The following D2HGDH variants were observed in gnomAD, a reference collection of about 807,000 sequenced individuals.
The protein encoded by D2HGDH is D-2-hydroxyglutarate dehydrogenase, mitochondrial.
In D2HGDH, 31 loss-of-function variants were observed where a neutral mutation model predicts 46.9. That is an observed-to-expected ratio of 0.66 (90% CI 0.50 to 0.89). D2HGDH has a LOEUF of 0.89. Ranked by LOEUF, D2HGDH falls within the 40% of genes least tolerant of loss-of-function variation. D2HGDH has a pLI of 0.00. For synonymous variants in D2HGDH, 364 were observed against 332.6 expected (o/e 1.09, Z -1.03); for missense variants, 698 against 720.8 (o/e 0.97, Z 0.36).
At chr2:241,753,739 G>A (rs1378346805) in intron 8 of D2HGDH, among the ~76,000 whole-genome samples, 2 of 152,260 alleles carry the variant, frequency 1.3e-5, no homozygotes, top group Non-Finnish European at 2.9e-5. Context: ...CATTGGCACT[G>A]CCTATCCACC....
chr2:241,756,666 C>T (rs1034166268), intron 9 of D2HGDH, among the ~76,000 whole-genome samples: 13 of 152,176 alleles, frequency 8.5e-5, no homozygotes, highest in African/African-American at 3.1e-4. Flanking sequence ...GGATTACAGG[C>T]GTCCACCACC....
Position 241,742,027 on chromosome 2 carries a change from C to T in D2HGDH, c.351-408C>T, listed in dbSNP as rs1694599216. The stretch of plus-strand genomic sequence containing the variant: ...TGGTTGGGAGGGAGGTATCCTTGGG[C>T]ACACGTCTGGGGGATAATGGGCCGA... On this transcript the variant is annotated intron_variant, in intron 3 of 9. Coordinates refer to ENST00000321264, the MANE Select transcript of D2HGDH (RefSeq NM_152783.5). The surrounding 1 kb of genome is among the most constrained non-coding windows in gnomAD (Gnocchi z 4.8). Among the ~76,000 whole-genome samples the T allele has an allele frequency of 6.6e-6, 1 of 152,126 alleles. No individual in the cohort carries two copies. Among genetic ancestry groups the T allele is most frequent in the African/African-American group, 2.4e-5 (1 of 41,402 alleles).
chr2:241,750,301 A>T lies in D2HGDH; in HGVS notation c.997+7A>T. On this transcript the variant is annotated splice_region_variant and intron_variant, in intron 7 of 9. Coordinates refer to ENST00000321264, the MANE Select transcript of D2HGDH (RefSeq NM_152783.5). ...CTGGCCAGCCCGGTGCAAGGTACTG[A>T]CCCCCCACACAGGGGGCAGCTGGTC... The T allele has an allele frequency of 7.0e-7, 1 of 1,424,350 alleles. No individual in the cohort carries two copies. 88.2% of individuals were successfully genotyped at this position (1,424,350 alleles called of 1,614,324 possible).
rs145456019 is a variant in D2HGDH, at chr2:241,751,961, C to T, written c.1140+573C>T. Among the ~76,000 whole-genome samples, 402 of 77,440 alleles carry T rather than the reference C, an allele frequency of 5.2e-3. 15 individuals carry two copies. The highest frequency in any genetic ancestry group is 0.017 in the African/African-American group (320 of 18,416). 50.8% of individuals were successfully genotyped at this position (77,440 alleles called of 152,430 possible). On this transcript the variant is annotated intron_variant, in intron 8 of 9. Transcript: ENST00000321264. ...TCGGTCACCGTCACCGGGGCCTGGG[C>T]AGGGGGAGCCCTCGGTCACCGTCAC... is the stretch of plus-strand genomic sequence containing the variant.
Position 241,750,386 on chromosome 2 carries a change from G to A in D2HGDH, c.997+92G>A. On this transcript the variant is annotated intron_variant, in intron 7 of 9. Transcript: ENST00000321264. ...CGGCTCAGAGACCCCGGGTGGGCGG[G>A]GGGTGCCCGGGCGGGCGGGTGGGGG... is the stretch of plus-strand genomic sequence containing the variant. The A allele has an allele frequency of 2.8e-6, 4 of 1,448,854 alleles. No individual in the cohort carries two copies. In the South Asian group the frequency reaches 3.6e-5, roughly 13 times the overall value. The allele number at this position is 1,448,854 out of a possible 1,614,324, so 89.7% of individuals were successfully genotyped here. A position where few individuals can be genotyped will look rare whatever the true frequency, so the allele number is the denominator to read the frequency against.
At chr2:241,747,176 C>T (rs1696074134) in intron 6 of D2HGDH, among the ~76,000 whole-genome samples, 1 of 152,124 alleles carries the variant, frequency 6.6e-6, no homozygotes, top group South Asian at 2.1e-4. Context: ...CCACTGTGGC[C>T]TCCTAAAGTG....
At chr2:241,754,124 A>G (rs549413650) in intron 8 of D2HGDH, among the ~76,000 whole-genome samples, 1 of 152,218 alleles carries the variant, frequency 6.6e-6, no homozygotes, top group African/African-American at 2.4e-5. Context: ...CTGAGGCGTG[A>G]GCAGACAAGG....
chr2:241,755,497 G>A (rs752963943), intron 8 of D2HGDH: 74 of 1,339,722 alleles, frequency 5.5e-5, no homozygotes, highest in South Asian at 2.3e-4. Flanking sequence ...TCCCCCTTCC[G>A]TCATGGCTGT....
At chr2:241,755,496 C>G in intron 8 of D2HGDH, 1 of 1,339,526 alleles carries the variant, frequency 7.5e-7, no homozygotes, top group Admixed American at 2.2e-5. Context: ...CTCCCCCTTC[C>G]GTCATGGCTG....
chr2:241,747,187 C>A (rs1035466389), intron 6 of D2HGDH, among the ~76,000 whole-genome samples: 1 of 152,062 alleles, frequency 6.6e-6, no homozygotes, highest in African/African-American at 2.4e-5. Flanking sequence ...TCCTAAAGTG[C>A]GGGGGTTATA....
At position 241,742,126 on chromosome 2, in the gene D2HGDH, T is replaced by C. The variant is rs982451674; in HGVS notation, c.351-309T>C. Among the ~76,000 whole-genome samples the C allele has an allele frequency of 3.3e-5, 5 of 152,128 alleles. No homozygotes were observed. The highest frequency in any genetic ancestry group is 7.4e-5 in the Non-Finnish European group (5 of 68,010). ...TCGAGGAACCCTGAGCTGGACCCTC[T>C]GTGAGCATGGTGTGAACGGGAAGGA... On this transcript the variant is annotated intron_variant, in intron 3 of 9. Transcript: ENST00000321264. The surrounding 1 kb of genome is among the most constrained non-coding windows in gnomAD (Gnocchi z 4.8).
At position 241,751,151 on chromosome 2, in the gene D2HGDH, G is replaced by T. The variant is rs1461210507; in HGVS notation, c.998-95G>T. ...GGTCCTTCTTGGCCACGAAAGATCA[G>T]TGGTTGCTATTACAGCTGTTCTGCC... is the stretch of plus-strand genomic sequence containing the variant. On this transcript the variant is annotated intron_variant, in intron 7 of 9. Coordinates refer to ENST00000321264, the MANE Select transcript of D2HGDH (RefSeq NM_152783.5). 1.0e-5 allele frequency: 16 copies of T among 1,555,192 alleles called. No homozygotes were observed. In the Admixed American group the frequency reaches 1.2e-4, roughly 12 times the overall value.
Position 241,755,584 on chromosome 2 carries a change from A to T in D2HGDH, c.1141-265A>T, listed in dbSNP as rs145205270. The T allele has an allele frequency of 3.3e-3, 4,912 of 1,476,238 alleles. 8 individuals carry two copies. Among genetic ancestry groups the T allele is most frequent in the Non-Finnish European group, 4.1e-3 (4,501 of 1,100,842 alleles). The allele number at this position is 1,476,238 out of a possible 1,614,324, so 91.4% of individuals were successfully genotyped here. A position where few individuals can be genotyped will look rare whatever the true frequency, so the allele number is the denominator to read the frequency against. The stretch of plus-strand genomic sequence containing the variant: ...TCGGTGCTGTCGTGGAGCCTGGGAC[A>T]TTCACTGTCTGGGATTGATTCCAGG... On this transcript the variant is annotated intron_variant, in intron 8 of 9. Coordinates refer to ENST00000321264, the MANE Select transcript of D2HGDH (RefSeq NM_152783.5).
chr2:241,763,409 A>G (rs1699003513), intron 9 of D2HGDH, among the ~76,000 whole-genome samples: 1 of 152,182 alleles, frequency 6.6e-6, no homozygotes, highest in African/African-American at 2.4e-5. Flanking sequence ...CCGTAAAAGT[A>G]TGGTATAAAA....
chr2:241,738,714 G>T (rs1693606869), intron 2 of D2HGDH, among the ~76,000 whole-genome samples: 1 of 152,200 alleles, frequency 6.6e-6, no homozygotes, highest in Non-Finnish European at 1.5e-5. Context: ...CTGTCCTGCT[G>T]CAGGGCCGCC....
intron 9 of D2HGDH, among the ~76,000 whole-genome samples, chr2:241,762,359 C>T (rs555067703): frequency 2.0e-5 from 3 of 152,246 alleles, no homozygotes; most frequent in Non-Finnish European, 2.9e-5. Flanking sequence ...TGTGAGCCAC[C>T]GCGCCCAGCC....
rs542115151 is a variant in D2HGDH at position 241,756,590 on chromosome 2, C to T, written c.1306+576C>T. 7.2e-5 allele frequency among the ~76,000 whole-genome samples: 11 copies of T among 152,340 alleles called. 1 individual carries two copies. The East Asian group carries it at 1.9e-3, about 27-fold the overall frequency. On this transcript the variant is annotated intron_variant, in intron 9 of 9. Coordinates refer to ENST00000321264, the MANE Select transcript of D2HGDH (RefSeq NM_152783.5). Reference sequence around the variant, plus strand: ...AGGCTGGAGTGCAGTGGCGCAATCTCGGCTCACTGCAACCTCCATCTTCTG... The same window carrying T: ...AGGCTGGAGTGCAGTGGCGCAATCTTGGCTCACTGCAACCTCCATCTTCTG...
At position 241,742,504 on chromosome 2, in the gene D2HGDH, C is replaced by T. The variant is rs1694753337; in HGVS notation, c.420C>T (p.Val140=). 6.2e-7 allele frequency: 1 copy of T among 1,614,102 alleles called. No individual in the cohort carries two copies. The highest frequency in any genetic ancestry group is 8.5e-7 in the Non-Finnish European group (1 of 1,180,006). Residue 140 remains valine (V), a synonymous_variant, in exon 4 of 10, where the codon GTC becomes GTT. Coordinates refer to ENST00000321264, the MANE Select transcript of D2HGDH (RefSeq NM_152783.5). This position sits in a 1 kb window ranked among gnomAD's most constrained non-coding sequence, Gnocchi z 4.8. The part of the protein sequence containing the change: ...GGNTGMVGGS[V]PVFDEIILST... ...ACACAGGCATGGTGGGTGGCAGCGTCCCCGTCTTTGACGAGATCATCCTCT... is the reference window on the plus strand; with the variant it reads ...ACACAGGCATGGTGGGTGGCAGCGTTCCCGTCTTTGACGAGATCATCCTCT...
Position 241,758,575 on chromosome 2 carries a change from C to T in D2HGDH, c.1306+2561C>T, listed in dbSNP as rs375039704. Reference sequence around the variant, plus strand: ...TCGACCTTCTGGGATCAAGCAGGCCCGCCACCTCACACACACCAGCAGGCC... The same window carrying T: ...TCGACCTTCTGGGATCAAGCAGGCCTGCCACCTCACACACACCAGCAGGCC... On this transcript the variant is annotated intron_variant, in intron 9 of 9. Transcript: ENST00000321264. 2.0e-4 allele frequency among the ~76,000 whole-genome samples: 31 copies of T among 151,976 alleles called. No individual in the cohort carries two copies. In the East Asian group the frequency reaches 5.2e-3, roughly 26 times the overall value.
Sources: allele counts gnomAD v4.1 joint callset (sites outside exome capture counted in the v4.1 genomes callset), GRCh38; gene constraint gnomAD v4.1.1; non-coding constraint Gnocchi (gnomAD v3.1); transcripts MANE v1.5; gene names NCBI Gene and HGNC (gene_info 2026-07-23, HGNC 2026-07-21).